Variants in MACROD2 observed in about 807,000 individuals in gnomAD.
The protein encoded by MACROD2 is mono-ADP ribosylhydrolase 2, also known as ADP-ribose glycohydrolase MACROD2.
MACROD2 carries 36 observed loss-of-function variants against 70.4 expected under a neutral mutation model. The observed-to-expected ratio is 0.51, with a 90% CI of 0.39 to 0.68. The LOEUF is 0.68. MACROD2 is among the 30% of genes least tolerant of loss of function. The probability of loss-of-function intolerance (pLI) is 0.00; values close to 1 mark genes in which losing one functional copy is unlikely to be tolerated. For missense variants in MACROD2, 496 were observed against 538.4 expected (o/e 0.92, Z 0.78); for synonymous variants, 172 against 178.8 (o/e 0.96, Z 0.30).
intron 3 of MACROD2, among the ~76,000 whole-genome samples, chr20:14,289,888 T>TAAA (rs2082372056): frequency 6.6e-6 from 1 of 152,188 alleles, no homozygotes; most frequent in Non-Finnish European, 1.5e-5. Flanking sequence ...TTTAAAATAT[T>TAAA]TTTGACCTAA....
chr20:14,368,735 G>T (rs1466118446), intron 3 of MACROD2, among the ~76,000 whole-genome samples: 1 of 152,034 alleles, frequency 6.6e-6, no homozygotes, highest in Non-Finnish European at 1.5e-5. Context: ...TGAGGTCTCT[G>T]TTCCTTTAGC....
intron 5 of MACROD2, among the ~76,000 whole-genome samples, chr20:14,949,624 T>G (rs770921687): frequency 6.1e-4 from 93 of 152,310 alleles, no homozygotes; most frequent in Non-Finnish European, 1.1e-3. Flanking sequence ...AGGCTCCTTT[T>G]GGAAAATATT....
intron 4 of MACROD2, among the ~76,000 whole-genome samples, chr20:14,598,151 G>A (rs1982263030): frequency 6.6e-6 from 1 of 152,072 alleles, no homozygotes; most frequent in Admixed American, 6.5e-5. Flanking sequence ...CAAGCACTAT[G>A]TTCATTGGCA....
At chr20:16,016,082 T>C (rs1351812353) in intron 15 of MACROD2, among the ~76,000 whole-genome samples, 1 of 152,140 alleles carries the variant, frequency 6.6e-6, no homozygotes, top group Non-Finnish European at 1.5e-5. Context: ...CAATCAGGAC[T>C]AAAAATAGGT....
intron 8 of MACROD2, among the ~76,000 whole-genome samples, chr20:15,615,064 C>T (rs2049019011): frequency 6.6e-6 from 1 of 152,176 alleles, no homozygotes; most frequent in African/African-American, 2.4e-5. Context: ...TCATTTGCTA[C>T]TGACTTTCCT....
At chr20:15,142,576 T>A (rs1013304509) in intron 5 of MACROD2, among the ~76,000 whole-genome samples, 1 of 152,188 alleles carries the variant, frequency 6.6e-6, no homozygotes, top group Admixed American at 6.5e-5. Context: ...ATTTGTTACA[T>A]ATGTATACAT....
chr20:14,012,539 G>T (rs983096064), intron 2 of MACROD2, among the ~76,000 whole-genome samples: 3 of 152,144 alleles, frequency 2.0e-5, no homozygotes, highest in Non-Finnish European at 4.4e-5. Flanking sequence ...CTGGATTCAT[G>T]TATCTTAAAT....
At chr20:14,099,182 G>A (rs915357009) in intron 3 of MACROD2, among the ~76,000 whole-genome samples, 20 of 152,042 alleles carry the variant, frequency 1.3e-4, no homozygotes, top group Admixed American at 6.6e-5. Flanking sequence ...GGAGGCTGAG[G>A]CAGGAGAATC....
At chr20:14,573,641 T>C (rs1980370164) in intron 4 of MACROD2, among the ~76,000 whole-genome samples, 1 of 152,150 alleles carries the variant, frequency 6.6e-6, no homozygotes, top group Non-Finnish European at 1.5e-5. Flanking sequence ...CCTTCTAGGA[T>C]GATAGAATCC....
At chr20:14,594,334 T>G (rs1981979122) in intron 4 of MACROD2, among the ~76,000 whole-genome samples, 1 of 152,226 alleles carries the variant, frequency 6.6e-6, no homozygotes, top group Non-Finnish European at 1.5e-5. Context: ...ATTTAGAAAT[T>G]ACAAGGCATT....
At chr20:15,783,907 A>G (rs1278053379) in intron 8 of MACROD2, among the ~76,000 whole-genome samples, 1 of 152,038 alleles carries the variant, frequency 6.6e-6, no homozygotes, top group Non-Finnish European at 1.5e-5. Flanking sequence ...TTCTCTTCCC[A>G]CTTCACACGG....
chr20:15,287,835 G>T (rs973101805), intron 6 of MACROD2, among the ~76,000 whole-genome samples: 2 of 152,150 alleles, frequency 1.3e-5, no homozygotes, highest in African/African-American at 4.8e-5. Flanking sequence ...TATGATTAAG[G>T]AGCTATTGGC....
intron 5 of MACROD2, among the ~76,000 whole-genome samples, chr20:14,878,445 T>C (rs924393585): frequency 6.6e-6 from 1 of 152,124 alleles, no homozygotes; most frequent in Non-Finnish European, 1.5e-5. Flanking sequence ...TTATGTATTG[T>C]TTGACGTCAG....
chr20:14,858,099 G>C (rs2122343685), intron 5 of MACROD2, among the ~76,000 whole-genome samples: 1 of 152,308 alleles, frequency 6.6e-6, no homozygotes, highest in African/African-American at 2.4e-5. Flanking sequence ...GGGATTACAG[G>C]CGTGAGCCAC....
intron 2 of MACROD2, among the ~76,000 whole-genome samples, chr20:14,027,095 A>G (rs956566670): frequency 3.9e-5 from 6 of 152,226 alleles, no homozygotes; most frequent in Admixed American, 1.3e-4. Context: ...CAGGTACACC[A>G]ATCAAACGTA....
intron 5 of MACROD2, among the ~76,000 whole-genome samples, chr20:15,122,924 C>T (rs577877080): frequency 1.6e-3 from 246 of 152,244 alleles, no homozygotes; most frequent in African/African-American, 5.7e-3. Flanking sequence ...TTATGACCCA[C>T]CTGTTGATAC....
chr20:14,376,316 C>A (rs965453413), intron 3 of MACROD2, among the ~76,000 whole-genome samples: 1 of 152,062 alleles, frequency 6.6e-6, no homozygotes, highest in Non-Finnish European at 1.5e-5. Context: ...CAGAATTGTA[C>A]ATATATTGCT....
At chr20:14,732,300 G>T (rs1020154663) in intron 5 of MACROD2, among the ~76,000 whole-genome samples, 5 of 152,132 alleles carry the variant, frequency 3.3e-5, no homozygotes, top group Non-Finnish European at 7.4e-5. Flanking sequence ...TATTTCTTGG[G>T]CAAACTTTGA....
rs201413484 is a variant in MACROD2, at chr20:14,348,522, G to T, written c.272-144957G>T. Among the ~76,000 whole-genome samples, 3 of 149,740 alleles carry T rather than the reference G, an allele frequency of 2.0e-5. No homozygotes were observed. In the East Asian group the frequency reaches 5.9e-4, roughly 29 times the overall value. On this transcript the variant is annotated intron_variant, in intron 3 of 17. Coordinates refer to ENST00000684519, the MANE Select transcript of MACROD2 (RefSeq NM_001351661.2). The stretch of plus-strand genomic sequence containing the variant: ...TGAACCTTATTACTTCCTTCAACTT[G>T]TCTTTTATGAACAACATCTTTTATT...
Sources: allele counts gnomAD v4.1 joint callset (sites outside exome capture counted in the v4.1 genomes callset), GRCh38; gene constraint gnomAD v4.1.1; transcripts MANE v1.5; gene names NCBI Gene and HGNC (gene_info 2026-07-23, HGNC 2026-07-21).